Variants in GID8 observed in about 807,000 individuals in gnomAD.
GID8 encodes glucose-induced degradation protein 8 homolog.
GID8 carries 6 observed loss-of-function variants against 27.4 expected under a neutral mutation model. That is an observed-to-expected ratio of 0.22 (90% CI 0.12 to 0.43). The LOEUF is 0.43. Ranked by LOEUF, GID8 falls within the 20% of genes least tolerant of loss-of-function variation. GID8 has a pLI of 1.00. For synonymous variants in GID8, 112 were observed against 109.0 expected (o/e 1.03, Z -0.17); for missense variants, 173 against 287.6 (o/e 0.60, Z 2.88).
At chr20:62,938,866 G>C (rs1399532651) in intron 1 of GID8, 1 of 152,214 alleles carries the variant, frequency 6.6e-6, no homozygotes, top group Non-Finnish European at 1.5e-5. Context: ...TCCTAGGGCC[G>C]GGCGCGGTGG....
At position 62,946,706 on chromosome 20, in the gene GID8, T is replaced by C. The variant is rs1485861721; in HGVS notation, c.*1794T>C. On this transcript the variant is annotated 3_prime_UTR_variant, in exon 5 of 5. Transcript: ENST00000266069. Reference sequence around the variant, plus strand: ...CTTCCAACTACCACTCTCCCAGATGTGACCCTTGCGATTATTTCCTCTGAG... The same window carrying C: ...CTTCCAACTACCACTCTCCCAGATGCGACCCTTGCGATTATTTCCTCTGAG... The C allele has an allele frequency of 1.3e-5, 2 of 152,176 alleles. No homozygotes were observed. Among genetic ancestry groups the C allele is most frequent in the Non-Finnish European group, 2.9e-5 (2 of 68,074 alleles). 9.4% of individuals were successfully genotyped at this position (152,176 alleles called of 1,614,324 possible). A position where few individuals can be genotyped will look rare whatever the true frequency, so the allele number is the denominator to read the frequency against.
At chr20:62,939,399 AAT>A (rs1299834009) in intron 1 of GID8, among the ~76,000 whole-genome samples, 2 of 151,980 alleles carry the variant, frequency 1.3e-5, no homozygotes, top group Non-Finnish European at 2.9e-5. Flanking sequence ...CTTGGCTTTA[AAT>A]ATCCCTGTGC....
Position 62,943,261 on chromosome 20 carries a change from A to G in GID8, c.315+78A>G. Reference sequence around the variant, plus strand: ...TATTTGCAATGATTGAGAAATAACTAGGCTAATTTGCTTTAATAATGTTAT... The same window carrying G: ...TATTTGCAATGATTGAGAAATAACTGGGCTAATTTGCTTTAATAATGTTAT... On this transcript the variant is annotated intron_variant, in intron 3 of 4. Coordinates refer to ENST00000266069, the MANE Select transcript of GID8 (RefSeq NM_017896.3). The surrounding 1 kb of genome is among the most constrained non-coding windows in gnomAD (Gnocchi z 4.7). 1.7e-6 allele frequency: 2 copies of G among 1,185,386 alleles called. No individual in the cohort carries two copies. Among genetic ancestry groups the G allele is most frequent in the Non-Finnish European group, 2.4e-6 (2 of 821,354 alleles). The allele number at this position is 1,185,386 out of a possible 1,614,324, so 73.4% of individuals were successfully genotyped here.
At chr20:62,941,151 T>G (rs922009603) in intron 1 of GID8, among the ~76,000 whole-genome samples, 10 of 152,246 alleles carry the variant, frequency 6.6e-5, no homozygotes, top group Non-Finnish European at 1.5e-4. Flanking sequence ...GTGAACAGCG[T>G]TGTCTGTGTT....
chr20:62,943,333 G>T lies in GID8; in HGVS notation c.315+150G>T. The T allele has an allele frequency of 1.1e-6, 1 of 940,502 alleles. No individual in the cohort carries two copies. Among genetic ancestry groups the T allele is most frequent in the Non-Finnish European group, 1.6e-6 (1 of 620,728 alleles). 58.3% of individuals were successfully genotyped at this position (940,502 alleles called of 1,614,324 possible). On this transcript the variant is annotated intron_variant, in intron 3 of 4. Coordinates refer to ENST00000266069, the MANE Select transcript of GID8 (RefSeq NM_017896.3). This position sits in a 1 kb window ranked among gnomAD's most constrained non-coding sequence, Gnocchi z 4.7. ...AGGTTTGAGTTTGCTCTTTTATGTA[G>T]TTCAGAAGCGGTTTTTTGTTTTAAA...
intron 1 of GID8, chr20:62,938,819 G>A (rs779424982): frequency 2.6e-5 from 4 of 152,196 alleles, no homozygotes; most frequent in Non-Finnish European, 5.9e-5. Flanking sequence ...TGGGCCGAGA[G>A]AAAAGGTGCC....
intron 1 of GID8, among the ~76,000 whole-genome samples, chr20:62,939,876 AC>A (rs1343274598): frequency 6.6e-6 from 1 of 152,166 alleles, no homozygotes; most frequent in Non-Finnish European, 1.5e-5. Context: ...AGTATGTGTA[AC>A]GTATGTATCA....
Position 62,945,363 on chromosome 20 carries a change from T to C in GID8, c.*451T>C. The C allele has an allele frequency of 1.0e-6, 1 of 988,848 alleles. No homozygotes were observed. Among genetic ancestry groups the C allele is most frequent in the Non-Finnish European group, 1.2e-6 (1 of 830,836 alleles). The allele number at this position is 988,848 out of a possible 1,614,324, so 61.3% of individuals were successfully genotyped here. A position where few individuals can be genotyped will look rare whatever the true frequency, so the allele number is the denominator to read the frequency against. On this transcript the variant is annotated 3_prime_UTR_variant, in exon 5 of 5. Coordinates refer to ENST00000266069, the MANE Select transcript of GID8 (RefSeq NM_017896.3). ...TACCCCTGTGGTTTTTGTGTTTTTT[T>C]TTTTTTCTTTTTCCATAGGAAAGAA...
chr20:62,941,302 GA>G (rs2065442509), intron 1 of GID8, among the ~76,000 whole-genome samples, 188 bp from the exon 2 acceptor site: 1 of 152,244 alleles, frequency 6.6e-6, no homozygotes, highest in Non-Finnish European at 1.5e-5. Flanking sequence ...TACCAGAGTA[GA>G]AAAAGTTGAA....
intron 1 of GID8, 59 bp from the exon 2 acceptor site, chr20:62,941,432 C>A (rs1205540383): frequency 2.2e-6 from 2 of 901,106 alleles, no homozygotes; most frequent in Non-Finnish European, 3.7e-6. Flanking sequence ...TCCAGCGCTG[C>A]CCTCTGCCCT....
intron 1 of GID8, among the ~76,000 whole-genome samples, chr20:62,940,140 G>T (rs1421098740): frequency 6.6e-6 from 1 of 151,682 alleles, no homozygotes; most frequent in African/African-American, 2.4e-5. Flanking sequence ...TAAAACTCAC[G>T]GCAGATTTGG....
Position 62,945,134 on chromosome 20 carries a change from A to G in GID8, c.*222A>G, listed in dbSNP as rs112957399. The G allele has an allele frequency of 9.0e-6, 12 of 1,336,664 alleles. No individual in the cohort carries two copies. The African/African-American group carries it at 1.0e-4, about 11-fold the overall frequency. The allele number at this position is 1,336,664 out of a possible 1,614,324, so 82.8% of individuals were successfully genotyped here. On this transcript the variant is annotated 3_prime_UTR_variant, in exon 5 of 5. Coordinates refer to ENST00000266069, the MANE Select transcript of GID8 (RefSeq NM_017896.3). ...TTTGGCAGTCTGATGCAGAGCCTGC[A>G]CTCTGGCACTCGCTGAAGAATCTGG...
At position 62,945,873 on chromosome 20, in the gene GID8, A is replaced by G. The variant is rs1367127584; in HGVS notation, c.*961A>G. The G allele has an allele frequency of 1.6e-6, 2 of 1,289,572 alleles. No individual in the cohort carries two copies. The highest frequency in any genetic ancestry group is 2.3e-5 in the Admixed American group (1 of 43,546). The allele number at this position is 1,289,572 out of a possible 1,614,324, so 79.9% of individuals were successfully genotyped here. ...GCGGAAGGAACGCGTGTTCATCCTCAGTGATCTGCCCTCCAGCATCTCGGC... is the reference window on the plus strand; with the variant it reads ...GCGGAAGGAACGCGTGTTCATCCTCGGTGATCTGCCCTCCAGCATCTCGGC... On this transcript the variant is annotated 3_prime_UTR_variant, in exon 5 of 5. Transcript: ENST00000266069.
chr20:62,945,875 TG>T lies in GID8; in HGVS notation c.*964del. 7.8e-7 allele frequency: 1 copy of T among 1,289,700 alleles called. No homozygotes were observed. The highest frequency in any genetic ancestry group is 1.0e-6 in the Non-Finnish European group (1 of 988,882). 79.9% of individuals were successfully genotyped at this position (1,289,700 alleles called of 1,614,324 possible). On this transcript the variant is annotated 3_prime_UTR_variant, in exon 5 of 5. Transcript: ENST00000266069. ...GGAAGGAACGCGTGTTCATCCTCAG[TG>T]ATCTGCCCTCCAGCATCTCGGCAGC... is the stretch of plus-strand genomic sequence containing the variant.
intron 1 of GID8, among the ~76,000 whole-genome samples, chr20:62,940,168 TTTTTC>T (rs1183481555): frequency 2.0e-4 from 31 of 151,560 alleles, no homozygotes; most frequent in African/African-American, 4.8e-4. Flanking sequence ...TGCAACTCTC[TTTTTC>T]TTTTCTTTTT....
At chr20:62,941,367 G>A (rs950596966) in intron 1 of GID8, 124 bp from the exon 2 acceptor site, 10 of 624,104 alleles carry the variant, frequency 1.6e-5, no homozygotes, top group African/African-American at 1.3e-4. Flanking sequence ...GGTGTCCCAC[G>A]GCAGCGTTGT....
At chr20:62,941,831 C>A (rs1221253476) in intron 2 of GID8, among the ~76,000 whole-genome samples, 1 of 152,192 alleles carries the variant, frequency 6.6e-6, no homozygotes, top group East Asian at 1.9e-4. Flanking sequence ...CTAACACAAA[C>A]CCATTTTTCA....
At position 62,943,423 on chromosome 20, in the gene GID8, G is replaced by A; in HGVS notation, c.316-72G>A. 2.2e-6 allele frequency: 3 copies of A among 1,370,118 alleles called. No individual in the cohort carries two copies. The highest frequency in any genetic ancestry group is 1.4e-5 in the African/African-American group (1 of 70,200). The allele number at this position is 1,370,118 out of a possible 1,614,324, so 84.9% of individuals were successfully genotyped here. A position where few individuals can be genotyped will look rare whatever the true frequency, so the allele number is the denominator to read the frequency against. On this transcript the variant is annotated intron_variant, in intron 3 of 4. Transcript: ENST00000266069. The surrounding 1 kb of genome is among the most constrained non-coding windows in gnomAD (Gnocchi z 4.7). ...CCCTCTGTGATGTACTTTTGATTGGGACCTGGTACCACCTGCCCTAAGTCC... is the reference window on the plus strand; with the variant it reads ...CCCTCTGTGATGTACTTTTGATTGGAACCTGGTACCACCTGCCCTAAGTCC...
In GID8 at chr20:62,943,410, TA is replaced by T; in HGVS notation, c.316-84del. ...CAAGAAAAGTCTTCCCTCTGTGATG[TA>T]CTTTTGATTGGGACCTGGTACCACC... On this transcript the variant is annotated intron_variant, in intron 3 of 4. Coordinates refer to ENST00000266069, the MANE Select transcript of GID8 (RefSeq NM_017896.3). The surrounding 1 kb of genome is among the most constrained non-coding windows in gnomAD (Gnocchi z 4.7). 1 of 1,268,664 alleles carries T rather than the reference TA, an allele frequency of 7.9e-7. No individual in the cohort carries two copies. 78.6% of individuals were successfully genotyped at this position (1,268,664 alleles called of 1,614,324 possible).
Sources: allele counts gnomAD v4.1 joint callset (sites outside exome capture counted in the v4.1 genomes callset), GRCh38; gene constraint gnomAD v4.1.1; non-coding constraint Gnocchi (gnomAD v3.1); transcripts MANE v1.5; gene names NCBI Gene and HGNC (gene_info 2026-07-23, HGNC 2026-07-21).